Variants in HINFP observed in about 807,000 individuals in gnomAD.
HINFP encodes the protein histone H4 transcription factor.
HINFP carries 20 observed loss-of-function variants against 50.1 expected under a neutral mutation model. The observed-to-expected ratio is 0.40, with a 90% CI of 0.28 to 0.58. The LOEUF is 0.58. Among genes scored for constraint, HINFP ranks in the 20% least tolerant of loss-of-function variants. The pLI, the probability that HINFP is intolerant of heterozygous loss-of-function variation, is 0.45. For synonymous variants in HINFP, 247 were observed against 243.7 expected, an observed-to-expected ratio of 1.01 and a Z score of -0.13; for missense variants, 505 against 664.1, an observed-to-expected ratio of 0.76 and a Z score of 2.63.
At chr11:119,121,833 GA>G (rs1217329369) in intron 1 of HINFP, 194 bp downstream of exon 1, 1 of 152,438 alleles carries the variant, frequency 6.6e-6, no homozygotes, top group African/African-American at 2.4e-5. Context: ...GCCTTAGCGT[GA>G]AGGATTCCGG....
At chr11:119,132,050 T>C in intron 5 of HINFP, 68 bp downstream of exon 5, 2 of 1,572,224 alleles carry the variant, frequency 1.3e-6, no homozygotes, top group African/African-American at 2.7e-5. Context: ...GGCATGTTTC[T>C]AGTGGGGGTG....
At chr11:119,130,650 G>A (rs1242456520) in intron 2 of HINFP, 75 bp from the exon 3 acceptor site, 8 of 1,338,536 alleles carry the variant, frequency 6.0e-6, no homozygotes, top group Non-Finnish European at 7.5e-6. Context: ...CTCACTCTCT[G>A]TTTAGTGCTG....
Position 119,132,656 on chromosome 11 carries a change from CT to C in HINFP, c.755-4del. On this transcript the variant is annotated splice_region_variant and splice_polypyrimidine_tract_variant and intron_variant, in intron 6 of 9. Transcript: ENST00000350777. ...ACATCACAGCCTCCTCTCTGCTTCTCTCAGTGAATCACTATAAGTGCCCTCT... is the reference window on the plus strand; with the variant it reads ...ACATCACAGCCTCCTCTCTGCTTCTCCAGTGAATCACTATAAGTGCCCTCT... 1 of 1,614,124 alleles carries C rather than the reference CT, an allele frequency of 6.2e-7. No individual in the cohort carries two copies. Among genetic ancestry groups the C allele is most frequent in the Non-Finnish European group, 8.5e-7 (1 of 1,180,044 alleles).
chr11:119,123,113 G>C (rs1380071957), intron 1 of HINFP, among the ~76,000 whole-genome samples: 1 of 102,278 alleles, frequency 9.8e-6, no homozygotes, highest in Non-Finnish European at 1.7e-5. Flanking sequence ...GGGCGACAGA[G>C]CAAGACTCCA....
Position 119,130,900 on chromosome 11 carries a change from G to T in HINFP, c.357G>T (p.Arg119=). 1 of 1,614,210 alleles carries T rather than the reference G, an allele frequency of 6.2e-7. No individual in the cohort carries two copies. Residue 119 remains arginine (R), a synonymous_variant, in exon 3 of 10, where the codon CGG becomes CGT. Transcript: ENST00000350777. ...LGPCILDFQS[R]NVIPDIPDHF... ...CCTGCATCCTGGACTTCCAGAGCCG[G>T]AACGTCATCCCTGATATCCCTGACC...
rs777830693 is a variant in HINFP at position 119,126,963 on chromosome 11, G to C, written c.19G>C (p.Val7Leu). 2.5e-6 allele frequency: 4 copies of C among 1,613,368 alleles called. No individual in the cohort carries two copies. Among genetic ancestry groups the C allele is most frequent in the Non-Finnish European group, 3.4e-6 (4 of 1,179,734 alleles). ...GAAGGCCATGCCGCCTCCTGGGAAAGTTCCCCGAAAGGAGAATCTGTGGCT... is the reference window on the plus strand; with the variant it reads ...GAAGGCCATGCCGCCTCCTGGGAAACTTCCCCGAAAGGAGAATCTGTGGCT... Reference protein sequence around the residue: MPPPGKVPRKENLWLQC... With the variant: MPPPGKLPRKENLWLQC... Residue 7 changes from valine (V) to leucine (L), a missense_variant, in exon 2 of 10, where the codon GTT becomes CTT. Transcript: ENST00000350777.
At chr11:119,128,865 AT>A (rs1045601289) in intron 2 of HINFP, among the ~76,000 whole-genome samples, 1 of 150,466 alleles carries the variant, frequency 6.6e-6, no homozygotes, top group Non-Finnish European at 1.5e-5. Flanking sequence ...TGCCCAGCTA[AT>A]TTTTTTTTGT....
At position 119,127,092 on chromosome 11, in the gene HINFP, G is replaced by C. The variant is rs777689724; in HGVS notation, c.148G>C (p.Glu50Gln). ...LQQHLHGSGE[E>Q]EEEEEEDDPL... ...GCAGCACCTGCATGGCTCTGGGGAG[G>C]AGGAGGAAGAGGAAGAGGAGGATGA... The change falls in exon 2 of 10, where the codon GAG becomes CAG. Residue 50 changes from glutamate to glutamine, a missense_variant. Transcript: ENST00000350777. 6.2e-7 allele frequency: 1 copy of C among 1,613,294 alleles called. No homozygotes were observed. Among genetic ancestry groups the C allele is most frequent in the Non-Finnish European group, 8.5e-7 (1 of 1,179,820 alleles).
At chr11:119,129,043 A>C (rs181336783) in intron 2 of HINFP, among the ~76,000 whole-genome samples, 57 of 152,054 alleles carry the variant, frequency 3.7e-4, no homozygotes, top group Non-Finnish European at 7.4e-4. Flanking sequence ...GGAAAAAAAA[A>C]ACTTTTTTTC....
At chr11:119,132,455 A>G (rs777667179) in intron 5 of HINFP, 41 bp from the exon 6 acceptor site, 9 of 1,603,744 alleles carry the variant, frequency 5.6e-6, no homozygotes, top group Middle Eastern at 1.7e-4. Context: ...CCTCTCCACT[A>G]TCACCTACAG....
At chr11:119,127,980 T>C (rs1176329399) in intron 2 of HINFP, among the ~76,000 whole-genome samples, 1 of 151,290 alleles carries the variant, frequency 6.6e-6, no homozygotes, top group Admixed American at 6.6e-5. Flanking sequence ...CTCAGCCTCT[T>C]GTAGCTGGGA....
At position 119,130,803 on chromosome 11, in the gene HINFP, A is replaced by G. The variant is rs1312998411; in HGVS notation, c.260A>G (p.Tyr87Cys). 1 of 1,614,056 alleles carries G rather than the reference A, an allele frequency of 6.2e-7. No individual in the cohort carries two copies. Among genetic ancestry groups the G allele is most frequent in the African/African-American group, 1.3e-5 (1 of 74,914 alleles). The change falls in exon 3 of 10, where the codon TAC becomes TGC. Residue 87 changes from tyrosine (Y) to cysteine (C), a missense_variant. Transcript: ENST00000350777. ...DSSADLIRHVYFHCYHTKLKQ... is the reference protein window; with the variant it reads ...DSSADLIRHVCFHCYHTKLKQ... Reference sequence around the variant, plus strand: ...TCTGCTGACCTCATCCGCCATGTCTACTTCCACTGCTACCACACCAAGCTG... The same window carrying G: ...TCTGCTGACCTCATCCGCCATGTCTGCTTCCACTGCTACCACACCAAGCTG...
intron 9 of HINFP, 117 bp from the exon 10 acceptor site, chr11:119,133,967 T>C: frequency 7.2e-7 from 1 of 1,391,638 alleles, no homozygotes; most frequent in Non-Finnish European, 1.0e-6. Context: ...TCAACTCCTG[T>C]CACTTGGATT....
At chr11:119,133,937 A>T (rs1947922371) in intron 9 of HINFP, 147 bp from the exon 10 acceptor site, 3 of 1,037,956 alleles carry the variant, frequency 2.9e-6, no homozygotes, top group Non-Finnish European at 4.3e-6. Context: ...TACATATTCC[A>T]ATAAAGACCT....
At chr11:119,126,765 C>T in intron 1 of HINFP, 170 bp from the exon 2 acceptor site, 1 of 564,758 alleles carries the variant, frequency 1.8e-6, no homozygotes, top group Non-Finnish European at 3.1e-6. Context: ...CACCAGACAT[C>T]TTCCAGGGAT....
intron 2 of HINFP, 97 bp from the exon 3 acceptor site, chr11:119,130,628 G>A (rs1039708485): frequency 7.6e-6 from 8 of 1,053,584 alleles, no homozygotes; most frequent in African/African-American, 3.2e-5. Flanking sequence ...GCCTCCTCAC[G>A]AGTCCAGCCT....
At chr11:119,133,836 A>C (rs1031050607) in intron 9 of HINFP, 2 of 590,210 alleles carry the variant, frequency 3.4e-6, no homozygotes, top group Non-Finnish European at 3.0e-6. Context: ...TTCACCCTCC[A>C]ACACAGTCAG....
chr11:119,122,059 T>G (rs1947095448), intron 1 of HINFP: 1 of 152,310 alleles, frequency 6.6e-6, no homozygotes, highest in African/African-American at 2.4e-5. Context: ...CTTATCTTTT[T>G]GGCCAAATTA....
chr11:119,127,709 T>A (rs1410955612), intron 2 of HINFP, among the ~76,000 whole-genome samples: 14 of 151,938 alleles, frequency 9.2e-5, no homozygotes, highest in East Asian at 1.9e-4. Flanking sequence ...CGCCAATTTT[T>A]AAAAAAATTT....
Sources: allele counts gnomAD v4.1 joint callset (sites outside exome capture counted in the v4.1 genomes callset), GRCh38; gene constraint gnomAD v4.1.1; transcripts MANE v1.5; gene names NCBI Gene and HGNC (gene_info 2026-07-23, HGNC 2026-07-21).